The following HMCN1 variants were observed in gnomAD, a reference collection of about 807,000 sequenced individuals.
HMCN1 encodes hemicentin 1, also known as hemicentin-1.
Under a neutral mutation model 625.9 loss-of-function variants are expected in HMCN1, and 321 were observed. The observed-to-expected ratio is 0.51, with a 90% CI of 0.47 to 0.56. The LOEUF (loss-of-function observed/expected upper bound fraction) is 0.56, where lower values mean the gene tolerates loss of function less well. Ranked by LOEUF, HMCN1 falls within the 20% of genes least tolerant of loss-of-function variation. The pLI is 0.00. For missense variants in HMCN1, 6,588 were observed against 6,887.3 expected (o/e 0.96, Z 1.54); for synonymous variants, 2,425 against 2,417.6 (o/e 1.00, Z -0.09).
At chr1:185,784,184 T>G (rs1335491181) in intron 1 of HMCN1, among the ~76,000 whole-genome samples, 1 of 152,246 alleles carries the variant, frequency 6.6e-6, no homozygotes, top group Non-Finnish European at 1.5e-5. Flanking sequence ...GGTGTGCTGT[T>G]TGCTAAGACC....
intron 2 of HMCN1, among the ~76,000 whole-genome samples, chr1:185,854,680 T>C (rs1006558435): frequency 5.9e-5 from 9 of 152,208 alleles, no homozygotes; most frequent in African/African-American, 2.2e-4. Context: ...TGCTCTATCA[T>C]ATATGTAGTC....
intron 1 of HMCN1, among the ~76,000 whole-genome samples, chr1:185,813,182 G>A (rs1202499146): frequency 1.3e-5 from 2 of 152,108 alleles, no homozygotes; most frequent in East Asian, 3.8e-4. Context: ...GAATGAATAA[G>A]TATACTTACA....
In HMCN1 at chr1:185,984,453, T is replaced by C. The variant is rs1221435011; in HGVS notation, c.2935+140T>C. ...TATTTCCTATTTCTTGAACAATATC[T>C]ACATTGTTAATGTTGTTTCCAGATT... On this transcript the variant is annotated intron_variant, in intron 19 of 106. Transcript: ENST00000271588. 5.6e-6 allele frequency: 5 copies of C among 899,094 alleles called. No homozygotes were observed. In the Admixed American group the frequency reaches 7.7e-5, roughly 14 times the overall value. The allele number at this position is 899,094 out of a possible 1,614,324, so 55.7% of individuals were successfully genotyped here.
intron 45 of HMCN1, 44 bp from the exon 46 acceptor site, chr1:186,057,190 C>T (rs774189041): frequency 1.3e-6 from 2 of 1,490,184 alleles, no homozygotes; most frequent in Non-Finnish European, 1.9e-6. Flanking sequence ...GTATATCAGG[C>T]AACTAATATT....
intron 29 of HMCN1, among the ~76,000 whole-genome samples, chr1:186,004,744 T>C (rs1295008924): frequency 1.3e-5 from 2 of 152,120 alleles, no homozygotes; most frequent in Non-Finnish European, 2.9e-5. Context: ...TTGATGCACA[T>C]ACACTGTGAT....
At chr1:186,045,932 T>A in intron 41 of HMCN1, 69 bp downstream of exon 41, 1 of 1,095,412 alleles carries the variant, frequency 9.1e-7, no homozygotes, top group Non-Finnish European at 1.4e-6. Flanking sequence ...TTACCCTATT[T>A]AGCGTGACTG....
At position 185,933,720 on chromosome 1, in the gene HMCN1, C is replaced by T. The variant is rs1398141306; in HGVS notation, c.1724C>T (p.Ser575Leu). 1 of 1,613,784 alleles carries T rather than the reference C, an allele frequency of 6.2e-7. No homozygotes were observed. Among genetic ancestry groups the T allele is most frequent in the Non-Finnish European group, 8.5e-7 (1 of 1,179,868 alleles). The change falls in exon 11 of 107, where the codon TCA (serine) becomes TTA (leucine). Residue 575 changes from serine to leucine, a missense_variant. Coordinates refer to ENST00000271588, the MANE Select transcript of HMCN1 (RefSeq NM_031935.3). ...PARIRTLANL[S>L]LELKSVKFND... Reference sequence around the variant, plus strand: ...AGAATTAGGACCTTGGCTAATCTGTCATTGGAGCTAAAGAGTGTGAAATTC... The same window carrying T: ...AGAATTAGGACCTTGGCTAATCTGTTATTGGAGCTAAAGAGTGTGAAATTC...
rs1651358710 is a variant in HMCN1, at chr1:186,160,267, TC to T, written c.15257-4840del. ...TATTTCTGTGGGATCGGTGGTGATA[TC>T]CCCTTTATCATTTTTTATTGCGTCT... On this transcript the variant is annotated intron_variant, in intron 97 of 106. Transcript: ENST00000271588. 1.4e-4 allele frequency among the ~76,000 whole-genome samples: 20 copies of T among 146,808 alleles called. No homozygotes were observed. In the South Asian group the frequency reaches 4.2e-3, roughly 31 times the overall value.
chr1:186,097,302 C>T (rs879736382), intron 68 of HMCN1, among the ~76,000 whole-genome samples: 4 of 152,112 alleles, frequency 2.6e-5, no homozygotes, highest in Non-Finnish European at 4.4e-5. Flanking sequence ...GCATATCCAT[C>T]GGTTCCACAT....
intron 17 of HMCN1, 78 bp from the exon 18 acceptor site, chr1:185,982,184 C>A: frequency 7.2e-7 from 1 of 1,381,530 alleles, no homozygotes; most frequent in Non-Finnish European, 1.0e-6. Flanking sequence ...AACTAACAGT[C>A]TTTGGGGCCT....
intron 2 of HMCN1, among the ~76,000 whole-genome samples, chr1:185,846,519 A>G (rs1455800748): frequency 2.0e-5 from 3 of 152,232 alleles, no homozygotes; most frequent in East Asian, 1.9e-4. Context: ...AGCCATATGA[A>G]ATGTTTGACT....
intron 29 of HMCN1, among the ~76,000 whole-genome samples, chr1:186,005,193 T>A (rs917237468): frequency 8.7e-4 from 126 of 144,574 alleles, no homozygotes; most frequent in African/African-American, 2.1e-3. Context: ...TTATAAACAA[T>A]TTTTTAATTG....
chr1:186,159,344 G>A lies in HMCN1; in HGVS notation c.15256+5357G>A, dbSNP rs1337012079. ...GCTGAGACAATGGGGTTTTCTAGAT[G>A]TACAATCATGTCATCTGCAAACAGG... On this transcript the variant is annotated intron_variant, in intron 97 of 106. Transcript: ENST00000271588. Among the ~76,000 whole-genome samples, 6 of 152,246 alleles carry A rather than the reference G, an allele frequency of 3.9e-5. No homozygotes were observed. The South Asian group carries it at 8.3e-4, about 21-fold the overall frequency.
intron 60 of HMCN1, 97 bp downstream of exon 60, chr1:186,087,742 A>G: frequency 7.7e-7 from 1 of 1,295,980 alleles, no homozygotes; most frequent in Non-Finnish European, 1.1e-6. Flanking sequence ...ACAGTGAAAA[A>G]TGATTTTCAT....
chr1:186,090,838 G>C lies in HMCN1; in HGVS notation c.9808G>C (p.Ala3270Pro), dbSNP rs138290901. 1.1e-4 allele frequency: 183 copies of C among 1,612,600 alleles called. 1 individual carries two copies. The African/African-American group carries it at 2.3e-3, about 21-fold the overall frequency. ...AGAAAATGTTGAGCTGGTCTGCAATGCAAATGGCATTCCTACTCCACTTAT... is the reference window on the plus strand; with the variant it reads ...AGAAAATGTTGAGCTGGTCTGCAATCCAAATGGCATTCCTACTCCACTTAT... ...LGENVELVCN[A>P]NGIPTPLIQW... The change falls in exon 64 of 107, where the codon GCA (alanine) becomes CCA (proline). Residue 3270 changes from alanine (A) to proline (P), a missense_variant. This residue lies in a region of HMCN1 where 4,628 missense variants were observed against 4,853.1 expected (regional missense o/e 0.95). Transcript: ENST00000271588.
intron 26 of HMCN1, 74 bp from the exon 27 acceptor site, chr1:186,001,224 A>C (rs1653175026): frequency 5.4e-6 from 7 of 1,286,182 alleles, no homozygotes; most frequent in Non-Finnish European, 7.8e-6. Context: ...TGCTGTATAA[A>C]GGCCCTTATA....
Position 186,001,436 on chromosome 1 carries a change from G to A in HMCN1, c.4200+8G>A. ...TATAAAGATAATGTCCAGGTAAATA[G>A]AGTCATCCAAATACGTGTAATTCCT... On this transcript the variant is annotated splice_region_variant and intron_variant, in intron 27 of 106. Transcript: ENST00000271588. The A allele has an allele frequency of 6.2e-7, 1 of 1,612,436 alleles. No individual in the cohort carries two copies. Among genetic ancestry groups the A allele is most frequent in the Non-Finnish European group, 8.5e-7 (1 of 1,178,776 alleles).
At chr1:186,158,630 A>T (rs1651206982) in intron 97 of HMCN1, among the ~76,000 whole-genome samples, 1 of 152,104 alleles carries the variant, frequency 6.6e-6, no homozygotes, top group Admixed American at 6.5e-5. Context: ...TAAGGAAGGG[A>T]TCCAGTTTCA....
chr1:185,950,924 T>C (rs1668624932), intron 11 of HMCN1, among the ~76,000 whole-genome samples: 1 of 151,496 alleles, frequency 6.6e-6, no homozygotes, highest in South Asian at 2.1e-4. Flanking sequence ...TGTCTGGTTT[T>C]AGGACAGGTA....
Sources: gnomAD v4.1 joint callset for allele counts (sites outside exome capture counted in the v4.1 genomes callset) on GRCh38, gnomAD v4.1.1 for gene constraint, gnomAD v4.1.1 regional missense constraint, MANE v1.5 for transcripts, NCBI Gene and HGNC (gene_info 2026-07-23, HGNC 2026-07-21) for gene names.